Variants in SLC25A43 observed in about 807,000 individuals in gnomAD.
SLC25A43 encodes solute carrier family 25 member 43.
In SLC25A43, 10 loss-of-function variants were observed where a neutral mutation model predicts 22.8. That is an observed-to-expected ratio of 0.44 (90% CI 0.27 to 0.74). The LOEUF (loss-of-function observed/expected upper bound fraction) is 0.74. Ranked by LOEUF, SLC25A43 falls within the 30% of genes least tolerant of loss-of-function variation. The pLI, the probability that SLC25A43 is intolerant of heterozygous loss-of-function variation, is 0.17. For synonymous variants in SLC25A43, 106 were observed against 121.6 expected (o/e 0.87, Z 0.84); for missense variants, 233 against 279.1 (o/e 0.83, Z 1.18).
chrX:119,401,923 G>A (rs1464375794), intron 1 of SLC25A43, among the ~76,000 whole-genome samples: 1 of 111,036 alleles, frequency 9.0e-6, no homozygotes, highest in Non-Finnish European at 1.9e-5. Context: ...AGATGTCTGG[G>A]AGAACGAGAA....
rs56389948 is a variant in SLC25A43 at position 119,405,595 on chromosome X, C to CAAAAA, written c.276-843_276-839dup. 3.4e-3 allele frequency among the ~76,000 whole-genome samples: 175 copies of CAAAAA among 51,133 alleles called. 19 individuals are homozygous for CAAAAA. Among genetic ancestry groups the CAAAAA allele is most frequent in the African/African-American group, 0.011 (150 of 13,223 alleles). The allele number at this position is 51,133 out of a possible 115,157, so 44.4% of individuals were successfully genotyped here. On this transcript the variant is annotated intron_variant, in intron 1 of 4. Coordinates refer to ENST00000217909, the MANE Select transcript of SLC25A43 (RefSeq NM_145305.3). Reference sequence around the variant, plus strand: ...CCAACATGGCGAAACCCTATCTCTACAAAAAAAAAAAAAAAAAAAAAAAAA... The same window carrying CAAAAA: ...CCAACATGGCGAAACCCTATCTCTACAAAAAAAAAAAAAAAAAAAAAAAAAAAAAA...
At position 119,410,205 on chromosome X, in the gene SLC25A43, C is replaced by T. The variant is rs2052337323; in HGVS notation, c.533C>T (p.Ser178Phe). The T allele has an allele frequency of 2.5e-6, 3 of 1,211,133 alleles. No individual in the cohort carries two copies. The highest frequency in any genetic ancestry group is 3.4e-6 in the Non-Finnish European group (3 of 895,380). Residue 178 changes from serine to phenylalanine, a missense_variant, in exon 3 of 5, where the codon TCT becomes TTT. Transcript: ENST00000217909. Reference sequence around the variant, plus strand: ...TGTTTTGCAGGTGCTCTCCCGTTCTCTGCTGGCTCCCTTCTTGTTTACATG... The same window carrying T: ...TGTTTTGCAGGTGCTCTCCCGTTCTTTGCTGGCTCCCTTCTTGTTTACATG... ...SLTVVGALPF[S>F]AGSLLVYMNL...
chrX:119,414,944 G>A (rs11260188), intron 3 of SLC25A43, among the ~76,000 whole-genome samples: 30,215 of 80,330 alleles, frequency 0.38, 6,234 homozygotes, highest in Non-Finnish European at 0.49. Context: ...TTTTTGAGAC[G>A]GAGTCAGGCT....
Position 119,426,699 on chromosome X carries a change from C to T in SLC25A43, c.690+16337C>T, listed in dbSNP as rs1668518319. Among the ~76,000 whole-genome samples the T allele has an allele frequency of 2.7e-5, 3 of 109,557 alleles. No individual in the cohort carries two copies. In the South Asian group the frequency reaches 1.2e-3, roughly 44 times the overall value. On this transcript the variant is annotated intron_variant, in intron 3 of 4. Coordinates refer to ENST00000217909, the MANE Select transcript of SLC25A43 (RefSeq NM_145305.3). ...TTAGCTGGGCATGGTGGCGCGCGCC[C>T]GTAGTCCCAGCTACTCAATAGGCTG... is the stretch of plus-strand genomic sequence containing the variant.
intron 3 of SLC25A43, among the ~76,000 whole-genome samples, chrX:119,421,947 G>A (rs112503274): frequency 1.2e-4 from 13 of 111,586 alleles, no homozygotes; most frequent in African/African-American, 4.2e-4. Flanking sequence ...CAAGAGTCTC[G>A]CTCTGTCACC....
chrX:119,452,085 T>C lies in SLC25A43; in HGVS notation c.767T>C (p.Ile256Thr). ...FSGAVDCFRQ[I>T]VKAQGVLGLW... ...GGAGCAGTGGACTGCTTCCGGCAGA[T>C]AGTGAAGGCCCAGGGGGTCCTGGGG... Residue 256 changes from isoleucine (I) to threonine (T), a missense_variant, in exon 4 of 5, where the codon ATA becomes ACA. By Grantham distance (89) the Ile-to-Thr change is moderately conservative. Transcript: ENST00000217909. The C allele has an allele frequency of 1.7e-6, 2 of 1,210,129 alleles. No individual in the cohort carries two copies. Among genetic ancestry groups the C allele is most frequent in the Non-Finnish European group, 1.1e-6 (1 of 894,753 alleles).
At chrX:119,413,055 G>A (rs2052365239) in intron 3 of SLC25A43, among the ~76,000 whole-genome samples, 1 of 109,521 alleles carries the variant, frequency 9.1e-6, no homozygotes, top group South Asian at 3.9e-4. Context: ...AGAGGTCGAG[G>A]TCACAGTGAG....
chrX:119,403,547 C>T (rs752410055), intron 1 of SLC25A43, among the ~76,000 whole-genome samples: 1 of 112,004 alleles, frequency 8.9e-6, no homozygotes, highest in Non-Finnish European at 1.9e-5. Context: ...CTTGGCCTTC[C>T]AAAGTGCTGG....
At chrX:119,416,059 A>G (rs1278489615) in intron 3 of SLC25A43, among the ~76,000 whole-genome samples, 2 of 105,177 alleles carry the variant, frequency 1.9e-5, no homozygotes, top group Admixed American at 2.1e-4. Context: ...TGAAACAGTC[A>G]TCTAAGTTTT....
chrX:119,449,322 G>A (rs1444157817), intron 3 of SLC25A43, among the ~76,000 whole-genome samples: 4 of 107,269 alleles, frequency 3.7e-5, no homozygotes, highest in Non-Finnish European at 7.7e-5. Flanking sequence ...GCTGAGGCAG[G>A]AGAATTGCTT....
chrX:119,434,648 A>G (rs1228993251), intron 3 of SLC25A43: 1 of 108,414 alleles, frequency 9.2e-6, no homozygotes, highest in African/African-American at 3.4e-5. Flanking sequence ...GTTCAGCATC[A>G]CTATGGTGAC....
chrX:119,423,103 C>T (rs1032585973), intron 3 of SLC25A43: 2 of 111,631 alleles, frequency 1.8e-5, no homozygotes, highest in Non-Finnish European at 3.8e-5. Context: ...AAAGTTGGCC[C>T]TCCTTATACA....
At chrX:119,417,263 C>CAA (rs58813095) in intron 3 of SLC25A43, among the ~76,000 whole-genome samples, 1 of 98,214 alleles carries the variant, frequency 1.0e-5, no homozygotes, top group African/African-American at 3.7e-5. Context: ...ACTGAAAATA[C>CAA]AAAAAAAAAA....
chrX:119,407,121 T>G (rs972422060), intron 2 of SLC25A43, among the ~76,000 whole-genome samples: 1 of 112,468 alleles, frequency 8.9e-6, no homozygotes, highest in African/African-American at 3.2e-5. Context: ...CTTTTTCCCT[T>G]TATCTGAACT....
chrX:119,427,550 G>A (rs936583406), intron 3 of SLC25A43, among the ~76,000 whole-genome samples: 1 of 112,509 alleles, frequency 8.9e-6, no homozygotes, highest in Non-Finnish European at 1.9e-5. Context: ...TATGCCAAGA[G>A]AAACATGGGT....
intron 3 of SLC25A43, among the ~76,000 whole-genome samples, chrX:119,432,784 TAAA>T (rs35181029): frequency 0.048 from 3,398 of 71,296 alleles, 135 homozygotes; most frequent in African/African-American, 0.13. Context: ...CGAGATTCCA[TAAA>T]AAAAAAAAAA....
chrX:119,451,859 CAAG>C, intron 3 of SLC25A43, 147 bp from the exon 4 acceptor site: 1 of 1,130,320 alleles, frequency 8.8e-7, no homozygotes, highest in Non-Finnish European at 1.2e-6. Flanking sequence ...GCCCACAGAA[CAAG>C]AAGAACCCCA....
At chrX:119,424,751 G>A (rs755299767) in intron 3 of SLC25A43, among the ~76,000 whole-genome samples, 4 of 113,175 alleles carry the variant, frequency 3.5e-5, no homozygotes, top group Non-Finnish European at 5.6e-5. Flanking sequence ...ATTTCTCACC[G>A]TTCTGGAGAC....
At chrX:119,443,453 T>C (rs1400674477) in intron 3 of SLC25A43, among the ~76,000 whole-genome samples, 2 of 62,981 alleles carry the variant, frequency 3.2e-5, no homozygotes, top group Admixed American at 1.5e-4. Flanking sequence ...TCTCTCTTTT[T>C]TTTTTTTTTT....
Sources: gnomAD v4.1 joint callset for allele counts (sites outside exome capture counted in the v4.1 genomes callset) on GRCh38, gnomAD v4.1.1 for gene constraint, MANE v1.5 for transcripts, NCBI Gene and HGNC (gene_info 2026-07-23, HGNC 2026-07-21) for gene names.